IL1RAPL2: variants seen among roughly 807,000 people sequenced by gnomAD.
IL1RAPL2 encodes X-linked interleukin-1 receptor accessory protein-like 2.
Under a neutral mutation model 44.1 loss-of-function variants are expected in IL1RAPL2, and 3 were observed. That is an observed-to-expected ratio of 0.07 (90% confidence interval 0.03 to 0.18). The LOEUF (loss-of-function observed/expected upper bound fraction) is 0.18, where lower values mean the gene tolerates loss of function less well. Among genes scored for constraint, IL1RAPL2 ranks in the 10% least tolerant of loss-of-function variants. IL1RAPL2 has a pLI of 1.00. For missense variants in IL1RAPL2, 391 were observed against 496.4 expected (o/e 0.79, Z 2.02); for synonymous variants, 181 against 178.8 (o/e 1.01, Z -0.10).
chrX:105,427,820 G>C (rs2035821274), intron 5 of IL1RAPL2, among the ~76,000 whole-genome samples: 1 of 111,462 alleles, frequency 9.0e-6, no homozygotes, highest in Non-Finnish European at 1.9e-5. Flanking sequence ...TAACAGGAAG[G>C]GACAGTTAGC....
At chrX:104,745,496 A>T (rs765995829) in intron 2 of IL1RAPL2, among the ~76,000 whole-genome samples, 20 of 112,430 alleles carry the variant, frequency 1.8e-4, no homozygotes, top group Non-Finnish European at 3.2e-4. Flanking sequence ...TAACAAATTT[A>T]TGCAAATTCC....
chrX:104,968,097 G>A (rs911531541), intron 2 of IL1RAPL2, among the ~76,000 whole-genome samples: 5 of 111,359 alleles, frequency 4.5e-5, no homozygotes, highest in Non-Finnish European at 7.6e-5. Flanking sequence ...AAAATGAAAA[G>A]TGTAAGTAAA....
At chrX:104,949,641 A>G (rs1602845899) in intron 2 of IL1RAPL2, among the ~76,000 whole-genome samples, 1 of 108,826 alleles carries the variant, frequency 9.2e-6, no homozygotes, top group East Asian at 2.9e-4. Flanking sequence ...TTGGTTTCAA[A>G]GAACATCTTT....
chrX:104,832,476 T>C (rs1028131922), intron 2 of IL1RAPL2, among the ~76,000 whole-genome samples: 1 of 104,219 alleles, frequency 9.6e-6, no homozygotes, highest in Non-Finnish European at 2.1e-5. Context: ...AGAAGGAAGA[T>C]TGAAAAAAAA....
chrX:105,072,781 C>T (rs1053983501), intron 2 of IL1RAPL2, among the ~76,000 whole-genome samples: 1 of 110,512 alleles, frequency 9.0e-6, no homozygotes, highest in African/African-American at 3.3e-5. Context: ...TAATGCTATC[C>T]CTCCCCTAGC....
chrX:105,198,884 C>T (rs2033692930), intron 3 of IL1RAPL2, among the ~76,000 whole-genome samples: 1 of 111,914 alleles, frequency 8.9e-6, no homozygotes, highest in African/African-American at 3.2e-5. Flanking sequence ...ATACCATCCT[C>T]ATCACATTGT....
intron 1 of IL1RAPL2, among the ~76,000 whole-genome samples, chrX:104,653,746 G>A (rs2148021210): frequency 9.0e-6 from 1 of 111,264 alleles, no homozygotes; most frequent in African/African-American, 3.3e-5. Context: ...TTCTGGGTAA[G>A]GCTCTATACC....
chrX:105,068,392 T>C (rs1569373405), intron 2 of IL1RAPL2, among the ~76,000 whole-genome samples: 1 of 112,049 alleles, frequency 8.9e-6, no homozygotes, highest in East Asian at 2.8e-4. Flanking sequence ...TAATGTGTTC[T>C]ACGTTCTTTC....
chrX:105,134,017 G>A (rs2033052977), intron 2 of IL1RAPL2, among the ~76,000 whole-genome samples: 2 of 111,578 alleles, frequency 1.8e-5, no homozygotes, highest in African/African-American at 6.5e-5. Flanking sequence ...TTCTATTTTA[G>A]TAAGATACAT....
chrX:105,378,276 T>A (rs2035403165), intron 5 of IL1RAPL2, among the ~76,000 whole-genome samples: 1 of 111,828 alleles, frequency 8.9e-6, no homozygotes, highest in Non-Finnish European at 1.9e-5. Context: ...TTGAAATATT[T>A]TACATGAAAA....
At chrX:105,398,485 T>TA (rs1198164399) in intron 5 of IL1RAPL2, among the ~76,000 whole-genome samples, 1 of 110,015 alleles carries the variant, frequency 9.1e-6, no homozygotes, top group East Asian at 2.9e-4. Context: ...ATATATTTGA[T>TA]TTTTTTGTGT....
In IL1RAPL2 at chrX:105,321,649, G is replaced by A. The variant is rs143107614; in HGVS notation, c.697+54108G>A. Among the ~76,000 whole-genome samples the A allele has an allele frequency of 2.5e-3, 274 of 111,802 alleles. 1 individual carries two copies. Among genetic ancestry groups the A allele is most frequent in the African/African-American group, 8.3e-3 (255 of 30,767 alleles). Reference sequence around the variant, plus strand: ...GTAGGTCGTTCTATAAATACTTGTCGGATGAATTTATGGATTGAATTAACA... The same window carrying A: ...GTAGGTCGTTCTATAAATACTTGTCAGATGAATTTATGGATTGAATTAACA... On this transcript the variant is annotated intron_variant, in intron 5 of 10. Transcript: ENST00000372582.
chrX:105,244,208 A>G (rs1330665782), intron 4 of IL1RAPL2, among the ~76,000 whole-genome samples: 2 of 111,194 alleles, frequency 1.8e-5, no homozygotes, highest in Non-Finnish European at 3.8e-5. Flanking sequence ...GTTCTTCAGA[A>G]ATTAAGGATC....
chrX:104,976,434 A>G (rs1276523232), intron 2 of IL1RAPL2, among the ~76,000 whole-genome samples: 1 of 112,200 alleles, frequency 8.9e-6, no homozygotes, highest in Non-Finnish European at 1.9e-5. Flanking sequence ...GAAATATGAC[A>G]AAAAAGGGTT....
intron 2 of IL1RAPL2, among the ~76,000 whole-genome samples, chrX:105,040,539 A>G (rs1329741326): frequency 9.0e-6 from 1 of 110,549 alleles, no homozygotes; most frequent in Admixed American, 9.6e-5. Flanking sequence ...TAAGCTATTG[A>G]TTATTGCCAC....
intron 2 of IL1RAPL2, among the ~76,000 whole-genome samples, chrX:105,003,594 T>G (rs1342447132): frequency 9.0e-6 from 1 of 111,266 alleles, no homozygotes; most frequent in African/African-American, 3.3e-5. Flanking sequence ...CTTCCCCATG[T>G]TTTGATTTCT....
chrX:104,801,969 A>G (rs1932887838), intron 2 of IL1RAPL2, among the ~76,000 whole-genome samples: 1 of 111,620 alleles, frequency 9.0e-6, no homozygotes, highest in African/African-American at 3.3e-5. Context: ...TTGCACTCAT[A>G]TCTACCCTTC....
chrX:104,779,099 C>T (rs971547594), intron 2 of IL1RAPL2, among the ~76,000 whole-genome samples: 2 of 112,094 alleles, frequency 1.8e-5, no homozygotes, highest in African/African-American at 6.5e-5. Context: ...ATGAAACCAC[C>T]CAACTGATGC....
chrX:105,722,074 A>T (rs1041021834), intron 7 of IL1RAPL2, among the ~76,000 whole-genome samples: 55 of 111,762 alleles, frequency 4.9e-4, no homozygotes, highest in African/African-American at 1.7e-3. Flanking sequence ...GAGTGTACAT[A>T]TACAAACCTA....
Sources: gnomAD v4.1 joint callset for allele counts (sites outside exome capture counted in the v4.1 genomes callset) on GRCh38, gnomAD v4.1.1 for gene constraint, MANE v1.5 for transcripts, NCBI Gene and HGNC (gene_info 2026-07-23, HGNC 2026-07-21) for gene names.